The following CLCA4 variants were observed in gnomAD, a reference collection of about 807,000 sequenced individuals.
CLCA4 encodes chloride channel accessory 4, also known as calcium-activated chloride channel regulator 4.
Under a neutral mutation model 78.9 loss-of-function variants are expected in CLCA4, and 69 were observed. The observed-to-expected ratio is 0.87, with a 90% CI of 0.72 to 1.07. The LOEUF (loss-of-function observed/expected upper bound fraction) is 1.07. Ranked by LOEUF, CLCA4 falls within the 50% of genes least tolerant of loss-of-function variation. The probability of loss-of-function intolerance (pLI) is 0.00; values close to 1 mark genes in which losing one functional copy is unlikely to be tolerated. For synonymous variants in CLCA4, 362 were observed against 375.8 expected, an observed-to-expected ratio of 0.96 and a Z score of 0.42; for missense variants, 1,133 against 1,095.8, an observed-to-expected ratio of 1.03 and a Z score of -0.48.
intron 8 of CLCA4, among the ~76,000 whole-genome samples, chr1:86,571,706 C>T (rs1650356156): frequency 6.6e-6 from 1 of 151,832 alleles, no homozygotes; most frequent in Admixed American, 6.6e-5. Context: ...TGGTGAAAAC[C>T]CCATGAGACC....
At position 86,561,705 on chromosome 1, in the gene CLCA4, C is replaced by A. The variant is rs187459966; in HGVS notation, c.448+1347C>A. On this transcript the variant is annotated intron_variant, in intron 3 of 13. Coordinates refer to ENST00000370563, the MANE Select transcript of CLCA4 (RefSeq NM_012128.4). ...TTATTACCACCTACACCTTCTCTAC[C>A]TGCACCTTTCTTAGAACAGAAAGGC... is the stretch of plus-strand genomic sequence containing the variant. Among the ~76,000 whole-genome samples the A allele has an allele frequency of 5.3e-5, 8 of 152,286 alleles. No individual in the cohort carries two copies. The East Asian group carries it at 1.4e-3, about 26-fold the overall frequency.
intron 7 of CLCA4, among the ~76,000 whole-genome samples, 198 bp from the exon 8 acceptor site, chr1:86,570,866 ATAAATACTACCTG>A: frequency 6.6e-6 from 1 of 152,228 alleles, no homozygotes; most frequent in South Asian, 2.1e-4. Flanking sequence ...ATTCCTTTAA[ATAAATACTACCTG>A]CAGCTGGGAG....
In CLCA4 at chr1:86,573,195, T is replaced by C. The variant is rs532714732; in HGVS notation, c.1467+475T>C. On this transcript the variant is annotated intron_variant, in intron 9 of 13. Coordinates refer to ENST00000370563, the MANE Select transcript of CLCA4 (RefSeq NM_012128.4). The stretch of plus-strand genomic sequence containing the variant: ...AGGAGAAAGACGGGGTGAATAATCA[T>C]TGTCTATCTACAAACATAGGGCTTC... Among the ~76,000 whole-genome samples, 15 of 152,024 alleles carry C rather than the reference T, an allele frequency of 9.9e-5. No individual in the cohort carries two copies. In the East Asian group the frequency reaches 2.7e-3, roughly 27 times the overall value.
intron 1 of CLCA4, among the ~76,000 whole-genome samples, chr1:86,551,032 C>T (rs547980178): frequency 1.1e-4 from 16 of 151,950 alleles, no homozygotes; most frequent in Non-Finnish European, 1.6e-4. Context: ...GGGGTTTCAC[C>T]GTGTTAGCCA....
In CLCA4 at chr1:86,575,599, G is replaced by A; in HGVS notation, c.1951G>A (p.Gly651Ser). The A allele has an allele frequency of 1.2e-6, 2 of 1,610,306 alleles. No individual in the cohort carries two copies. Among genetic ancestry groups the A allele is most frequent in the Non-Finnish European group, 1.7e-6 (2 of 1,177,630 alleles). Residue 651 changes from glycine to serine, a missense_variant and splice_region_variant, in exon 11 of 14, where the codon GGC (glycine) becomes AGC (serine). Transcript: ENST00000370563. The part of the protein sequence containing the change: ...EVLELLDNGA[G>S]ADSFKNDGVY... ...TTTGGAACTTTTGGATAATGGTGCA[G>A]GTAATTCACAGGTTTTTATGAATAA...
chr1:86,567,661 G>C lies in CLCA4; in HGVS notation c.1182+10G>C. On this transcript the variant is annotated intron_variant, in intron 7 of 13. Coordinates refer to ENST00000370563, the MANE Select transcript of CLCA4 (RefSeq NM_012128.4). ...TAAATATGCATTTCAGGTGAAAATC[G>C]TACTGCAAATATATTTTGGTTTTTG... 6.2e-7 allele frequency: 1 copy of C among 1,602,320 alleles called. No homozygotes were observed. The highest frequency in any genetic ancestry group is 2.2e-5 in the East Asian group (1 of 44,724).
At chr1:86,556,397 G>A (rs1008192177) in intron 1 of CLCA4, among the ~76,000 whole-genome samples, 3 of 151,962 alleles carry the variant, frequency 2.0e-5, no homozygotes, top group Admixed American at 2.0e-4. Context: ...ACGTTATTGT[G>A]GTGTTGAATT....
In CLCA4 at chr1:86,569,944, T is replaced by C. The variant is rs572727463; in HGVS notation, c.1183-1133T>C. Among the ~76,000 whole-genome samples the C allele has an allele frequency of 2.6e-5, 4 of 152,136 alleles. No homozygotes were observed. The South Asian group carries it at 8.3e-4, about 31-fold the overall frequency. ...GAAAGAGAGAACTCTGCTTCATCTT[T>C]GGATCTTCATTTTGTACTTAAATGC... On this transcript the variant is annotated intron_variant, in intron 7 of 13. Coordinates refer to ENST00000370563, the MANE Select transcript of CLCA4 (RefSeq NM_012128.4).
At chr1:86,566,545 T>C (rs1650194598) in intron 6 of CLCA4, among the ~76,000 whole-genome samples, 1 of 152,038 alleles carries the variant, frequency 6.6e-6, no homozygotes, top group African/African-American at 2.4e-5. Context: ...TAGTGAAGCA[T>C]GCTGAAGAAC....
At chr1:86,553,021 C>G (rs982696844) in intron 1 of CLCA4, 6 of 624,808 alleles carry the variant, frequency 9.6e-6, no homozygotes, top group Non-Finnish European at 1.7e-5. Flanking sequence ...AGGACGTGCC[C>G]CCTCCTGCTC....
chr1:86,560,950 G>T (rs566047842), intron 3 of CLCA4, among the ~76,000 whole-genome samples: 1 of 152,148 alleles, frequency 6.6e-6, no homozygotes, highest in Non-Finnish European at 1.5e-5. Context: ...CAACAAAAGT[G>T]CACTTTACAG....
At chr1:86,550,700 C>T (rs1398926983) in intron 1 of CLCA4, among the ~76,000 whole-genome samples, 1 of 151,658 alleles carries the variant, frequency 6.6e-6, no homozygotes, top group Non-Finnish European at 1.5e-5. Context: ...TGAGATCATG[C>T]CACTGCATTC....
intron 1 of CLCA4, among the ~76,000 whole-genome samples, chr1:86,558,766 T>G (rs554929895): frequency 1.1e-3 from 163 of 152,240 alleles, no homozygotes; most frequent in Non-Finnish European, 1.8e-3. Context: ...ACCACCCCCA[T>G]GATTCAATTA....
At chr1:86,554,289 A>G (rs1218789954) in intron 1 of CLCA4, among the ~76,000 whole-genome samples, 2 of 152,206 alleles carry the variant, frequency 1.3e-5, no homozygotes, top group African/African-American at 2.4e-5. Context: ...ATAATAGCCT[A>G]CAGCTCCACC....
intron 1 of CLCA4, among the ~76,000 whole-genome samples, chr1:86,557,950 G>A (rs1160314855): frequency 6.6e-6 from 1 of 150,392 alleles, no homozygotes; most frequent in Non-Finnish European, 1.5e-5. Flanking sequence ...GCCCTTCTTT[G>A]TCTTTTTTTT....
chr1:86,553,973 GTCT>G (rs908089548), intron 1 of CLCA4, among the ~76,000 whole-genome samples: 3 of 152,098 alleles, frequency 2.0e-5, no homozygotes, highest in African/African-American at 7.2e-5. Context: ...GACCCATAGT[GTCT>G]TCTTTTCTTT....
chr1:86,567,105 T>G (rs548524758), intron 6 of CLCA4, among the ~76,000 whole-genome samples: 1 of 151,954 alleles, frequency 6.6e-6, no homozygotes, highest in South Asian at 2.1e-4. Flanking sequence ...CCAAGAGTAA[T>G]TAGACAGTCT....
At chr1:86,576,671 A>G (rs1380476088) in intron 11 of CLCA4, among the ~76,000 whole-genome samples, 1 of 152,098 alleles carries the variant, frequency 6.6e-6, no homozygotes, top group Non-Finnish European at 1.5e-5. Flanking sequence ...AAAAGAAAGC[A>G]GGAGTAATCC....
rs1650678364 is a variant in CLCA4 at position 86,580,308 on chromosome 1, T to C, written c.2723T>C (p.Val908Ala). Residue 908 changes from valine to alanine, a missense_variant, in exon 14 of 14, where the codon GTT becomes GCT. Transcript: ENST00000370563. ...STLVLSVIGS[V>A]VIVNFILSTT... ...CTGGTATTGTCTGTGATTGGGTCTG[T>C]TGTAATTGTTAACTTTATTTTAAGT... The C allele has an allele frequency of 6.3e-7, 1 of 1,599,286 alleles. No homozygotes were observed. The highest frequency in any genetic ancestry group is 8.5e-7 in the Non-Finnish European group (1 of 1,175,198).
Sources: allele counts gnomAD v4.1 joint callset (sites outside exome capture counted in the v4.1 genomes callset), GRCh38; gene constraint gnomAD v4.1.1; transcripts MANE v1.5; gene names NCBI Gene and HGNC (gene_info 2026-07-23, HGNC 2026-07-21).